Variants in FAF1 observed in about 807,000 individuals in gnomAD.
FAF1 encodes the protein Fas associated factor 1, also known as FAS-associated factor 1.
Under a neutral mutation model 92.5 loss-of-function variants are expected in FAF1, and 25 were observed. The observed-to-expected ratio is 0.27, with a 90% CI of 0.20 to 0.38. The LOEUF (loss-of-function observed/expected upper bound fraction) is 0.38. Among genes scored for constraint, FAF1 ranks in the 10% least tolerant of loss-of-function variants. The pLI, the probability that FAF1 is intolerant of heterozygous loss-of-function variation, is 1.00. For synonymous variants in FAF1, 234 were observed against 273.2 expected (o/e 0.86, Z 1.42); for missense variants, 636 against 793.3 (o/e 0.80, Z 2.38).
intron 6 of FAF1, among the ~76,000 whole-genome samples, chr1:50,736,895 C>T (rs1035174313): frequency 6.6e-6 from 1 of 152,036 alleles, no homozygotes; most frequent in Admixed American, 6.6e-5. Context: ...TAAATTGTCT[C>T]CCACAAAATC....
intron 6 of FAF1, among the ~76,000 whole-genome samples, chr1:50,720,977 C>T (rs1658386164): frequency 1.3e-5 from 2 of 152,150 alleles, no homozygotes; most frequent in East Asian, 1.9e-4. Flanking sequence ...GATCATTCTT[C>T]GAGTCTCATA....
At chr1:50,689,059 A>G (rs1306273718) in intron 7 of FAF1, among the ~76,000 whole-genome samples, 1 of 152,176 alleles carries the variant, frequency 6.6e-6, no homozygotes, top group East Asian at 1.9e-4. Flanking sequence ...ATGGGTACAG[A>G]GTTTTAGTTT....
intron 1 of FAF1, among the ~76,000 whole-genome samples, chr1:50,891,093 G>C (rs967089833): frequency 6.6e-6 from 1 of 152,072 alleles, no homozygotes. Context: ...TTCCCTTCTT[G>C]CTTAATTTCA....
At chr1:50,838,353 C>A (rs1644228619) in intron 2 of FAF1, among the ~76,000 whole-genome samples, 2 of 151,256 alleles carry the variant, frequency 1.3e-5, no homozygotes, top group South Asian at 4.1e-4. Context: ...ATAGTATTAA[C>A]ATATATTACA....
chr1:50,690,857 T>G (rs764669639), intron 7 of FAF1, among the ~76,000 whole-genome samples: 11 of 152,168 alleles, frequency 7.2e-5, no homozygotes, highest in Admixed American at 6.5e-5. Flanking sequence ...GTGTTTAGTT[T>G]CTTTCATTTA....
intron 2 of FAF1, among the ~76,000 whole-genome samples, chr1:50,817,489 A>G (rs1210751079): frequency 6.6e-6 from 1 of 152,194 alleles, no homozygotes; most frequent in Non-Finnish European, 1.5e-5. Context: ...TGGCTATACA[A>G]GTTAATGGGG....
chr1:50,501,179 A>T (rs898563124), intron 15 of FAF1, among the ~76,000 whole-genome samples: 2 of 152,206 alleles, frequency 1.3e-5, no homozygotes, highest in Non-Finnish European at 2.9e-5. Flanking sequence ...CACATAAAGA[A>T]CTTTCAAAAT....
intron 4 of FAF1, among the ~76,000 whole-genome samples, chr1:50,761,120 C>A (rs557721241): frequency 6.6e-6 from 1 of 152,164 alleles, no homozygotes; most frequent in Non-Finnish European, 1.5e-5. Context: ...CACATACACC[C>A]TCCCAAGACT....
intron 3 of FAF1, among the ~76,000 whole-genome samples, chr1:50,790,188 C>G (rs1313655556): frequency 6.6e-6 from 1 of 152,134 alleles, no homozygotes; most frequent in Admixed American, 6.5e-5. Flanking sequence ...GTTGCCTGGG[C>G]TGGAGTGCAG....
chr1:50,655,010 G>A (rs1006629170), intron 8 of FAF1, among the ~76,000 whole-genome samples: 3 of 143,680 alleles, frequency 2.1e-5, no homozygotes, highest in Non-Finnish European at 4.5e-5. Context: ...CGCTTTTGTC[G>A]CCCAGGCTGG....
chr1:50,628,816 C>A (rs1436592770), intron 8 of FAF1, among the ~76,000 whole-genome samples: 2 of 152,160 alleles, frequency 1.3e-5, no homozygotes, highest in Non-Finnish European at 2.9e-5. Context: ...ACATTATTCA[C>A]CTAAAGAACA....
chr1:50,491,772 C>T lies in FAF1; in HGVS notation c.1524G>A (p.Lys508=). Residue 508 remains lysine, a synonymous_variant, in exon 16 of 19, where the codon AAG becomes AAA. Coordinates refer to ENST00000396153, the MANE Select transcript of FAF1 (RefSeq NM_007051.3). The stretch of plus-strand genomic sequence containing the variant: ...GGCGATAGGCCTCATCTTGCTCTCT[C>T]TTCACATTTTCTCTGGCTTCACGTT... ...EDEREARENV[K]REQDEAYRLS... 1 of 1,612,836 alleles carries T rather than the reference C, an allele frequency of 6.2e-7. No homozygotes were observed. Among genetic ancestry groups the T allele is most frequent in the Non-Finnish European group, 8.5e-7 (1 of 1,179,578 alleles).
At chr1:50,739,314 ATACATGTG>A (rs1025019102) in intron 5 of FAF1, among the ~76,000 whole-genome samples, 14 of 152,022 alleles carry the variant, frequency 9.2e-5, no homozygotes, top group African/African-American at 1.7e-4. Flanking sequence ...GTACATGCAT[ATACATGTG>A]TACATGTGTA....
chr1:50,700,660 T>C (rs1657429154), intron 7 of FAF1, among the ~76,000 whole-genome samples: 2 of 152,154 alleles, frequency 1.3e-5, no homozygotes. Context: ...ATTTCAAAAC[T>C]ACCAACACAT....
chr1:50,563,204 T>A (rs978212940), intron 13 of FAF1, among the ~76,000 whole-genome samples: 1 of 152,188 alleles, frequency 6.6e-6, no homozygotes, highest in African/African-American at 2.4e-5. Flanking sequence ...ATTACCTATC[T>A]GTTTTTAGCT....
chr1:50,828,778 A>C (rs1359699971), intron 2 of FAF1, among the ~76,000 whole-genome samples: 2 of 152,218 alleles, frequency 1.3e-5, no homozygotes, highest in African/African-American at 4.8e-5. Context: ...CAGGATCCAA[A>C]AGAACAAAAT....
At chr1:50,692,058 A>G (rs934347372) in intron 7 of FAF1, among the ~76,000 whole-genome samples, 2 of 152,152 alleles carry the variant, frequency 1.3e-5, no homozygotes, top group African/African-American at 4.8e-5. Flanking sequence ...TCTACAAAAA[A>G]TACAAAAATT....
chr1:50,738,036 C>A (rs374533866), intron 6 of FAF1, among the ~76,000 whole-genome samples: 1 of 152,034 alleles, frequency 6.6e-6, no homozygotes, highest in Admixed American at 6.6e-5. Context: ...CAATAAAAAA[C>A]GTAATGTATA....
intron 8 of FAF1, among the ~76,000 whole-genome samples, chr1:50,613,573 G>A (rs1250477417): frequency 1.3e-5 from 2 of 151,942 alleles, no homozygotes; most frequent in East Asian, 3.9e-4. Context: ...GAATAATGTA[G>A]CTAATAAAAA....
Sources: allele counts gnomAD v4.1 joint callset (sites outside exome capture counted in the v4.1 genomes callset), GRCh38; gene constraint gnomAD v4.1.1; transcripts MANE v1.5; gene names NCBI Gene and HGNC (gene_info 2026-07-23, HGNC 2026-07-21).